Variants in SPMIP4 observed in about 807,000 individuals in gnomAD.
The protein encoded by SPMIP4 is sperm-associated microtubule inner protein 4.
At chr7:25,168,291 T>C in the SPMIP4 span, 2 of 1,598,570 alleles carry the variant, frequency 1.3e-6, no homozygotes, top group Non-Finnish European at 1.7e-6. Flanking sequence ...TTATTTACCT[T>C]GGCCAGGTTT....
the SPMIP4 span, among the ~76,000 whole-genome samples, chr7:25,153,821 C>T: frequency 2.6e-5 from 4 of 152,126 alleles, no homozygotes; most frequent in Admixed American, 6.5e-5. Flanking sequence ...GCATGGTGCT[C>T]GATACTAACA....
At chr7:25,127,308 G>A in the SPMIP4 span, among the ~76,000 whole-genome samples, 3 of 151,924 alleles carry the variant, frequency 2.0e-5, no homozygotes, top group African/African-American at 7.3e-5. Context: ...CCTCTTTATG[G>A]CCAGTAACTC....
the SPMIP4 span, among the ~76,000 whole-genome samples, chr7:25,157,185 G>C: frequency 6.6e-6 from 1 of 152,154 alleles, no homozygotes; most frequent in African/African-American, 2.4e-5. Context: ...TGCTACCTAA[G>C]TACTAAAGCA....
the SPMIP4 span, among the ~76,000 whole-genome samples, chr7:25,173,695 G>A: frequency 1.3e-5 from 2 of 152,166 alleles, no homozygotes; most frequent in Admixed American, 6.5e-5. This position sits in a 1 kb window ranked among gnomAD's most constrained non-coding sequence, Gnocchi z 4.4. Flanking sequence ...AAATGCATTT[G>A]ATTAATGACA....
At chr7:25,174,666 T>C in the SPMIP4 span, among the ~76,000 whole-genome samples, 1 of 152,146 alleles carries the variant, frequency 6.6e-6, no homozygotes, top group East Asian at 1.9e-4. This position sits in a 1 kb window ranked among gnomAD's most constrained non-coding sequence, Gnocchi z 4.5. Flanking sequence ...TATAATGAAA[T>C]CCTATTATAT....
the SPMIP4 span, among the ~76,000 whole-genome samples, chr7:25,147,104 C>G: frequency 6.6e-6 from 1 of 152,082 alleles, no homozygotes; most frequent in Non-Finnish European, 1.5e-5. Context: ...GAGGCCAGCC[C>G]GGACAACAGG....
At chr7:25,127,563 T>C in the SPMIP4 span, among the ~76,000 whole-genome samples, 18 of 152,240 alleles carry the variant, frequency 1.2e-4, 1 homozygote, top group African/African-American at 4.3e-4. Flanking sequence ...CTGTTAAATT[T>C]ATCTTGTAGA....
the SPMIP4 span, chr7:25,142,787 G>T: frequency 6.4e-7 from 1 of 1,556,574 alleles, no homozygotes; most frequent in South Asian, 1.2e-5. Context: ...TAGAATACTG[G>T]CTTATTTTTC....
At chr7:25,162,918 C>T in the SPMIP4 span, among the ~76,000 whole-genome samples, 1 of 152,184 alleles carries the variant, frequency 6.6e-6, no homozygotes, top group East Asian at 1.9e-4. Context: ...ATTACAGGCA[C>T]CCGCCATCGT....
chr7:25,154,911 T>G, the SPMIP4 span: 1 of 1,133,508 alleles, frequency 8.8e-7, no homozygotes, highest in Non-Finnish European at 1.3e-6. Flanking sequence ...GAGTCACACA[T>G]TTGTGACTTG....
the SPMIP4 span, chr7:25,179,737 CG>C: frequency 6.5e-6 from 1 of 153,410 alleles, no homozygotes; most frequent in Non-Finnish European, 1.5e-5. Flanking sequence ...CTAAAGCCTT[CG>C]GGGATTCTGG....
the SPMIP4 span, among the ~76,000 whole-genome samples, chr7:25,165,806 T>C: frequency 1.3e-5 from 2 of 152,218 alleles, no homozygotes; most frequent in Non-Finnish European, 2.9e-5. Flanking sequence ...GTACCGTGTA[T>C]TGAATAGAAA....
the SPMIP4 span, among the ~76,000 whole-genome samples, chr7:25,139,483 G>A: frequency 0.063 from 9,633 of 152,084 alleles, 332 homozygotes; most frequent in East Asian, 0.099. Context: ...AAGAATGTAT[G>A]TATAATGATG....
the SPMIP4 span, among the ~76,000 whole-genome samples, chr7:25,164,442 T>G: frequency 6.6e-6 from 1 of 152,076 alleles, no homozygotes; most frequent in Non-Finnish European, 1.5e-5. Context: ...AGTATTGTCT[T>G]CAGTAGCATG....
the SPMIP4 span, chr7:25,136,891 G>T: frequency 8.5e-7 from 1 of 1,181,454 alleles, no homozygotes; most frequent in Non-Finnish European, 1.2e-6. The surrounding 1 kb of genome is among the most constrained non-coding windows in gnomAD (Gnocchi z 5.7). Flanking sequence ...CTGAGTACAC[G>T]AGATGGGCAT....
At chr7:25,161,995 G>A in the SPMIP4 span, among the ~76,000 whole-genome samples, 1 of 152,232 alleles carries the variant, frequency 6.6e-6, no homozygotes, top group Middle Eastern at 3.4e-3. Context: ...ATAAGGCTGG[G>A]AGTGGTGGCT....
chr7:25,176,444 C>T, the SPMIP4 span, among the ~76,000 whole-genome samples: 1 of 152,116 alleles, frequency 6.6e-6, no homozygotes, highest in African/African-American at 2.4e-5. The surrounding 1 kb of genome is among the most constrained non-coding windows in gnomAD (Gnocchi z 4.4). Flanking sequence ...TGGAGTTGAA[C>T]AGGAATTTAG....
At chr7:25,125,818 G>C in the SPMIP4 span, 5 of 697,602 alleles carry the variant, frequency 7.2e-6, no homozygotes, top group African/African-American at 9.7e-5. Context: ...GGACAGCCTG[G>C]AACCAGGAGT....
the SPMIP4 span, among the ~76,000 whole-genome samples, chr7:25,148,749 A>C: frequency 6.6e-6 from 1 of 152,028 alleles, no homozygotes; most frequent in Non-Finnish European, 1.5e-5. Context: ...TGTCTCCCAA[A>C]GGGATTACAG....
Sources: gnomAD v4.1 joint callset for allele counts (sites outside exome capture counted in the v4.1 genomes callset) on GRCh38, gnomAD v4.1.1 for gene constraint, Gnocchi (gnomAD v3.1) non-coding constraint, MANE v1.5 for transcripts, NCBI Gene and HGNC (gene_info 2026-07-23, HGNC 2026-07-21) for gene names.